POMP: variants seen among roughly 807,000 people sequenced by gnomAD.
The protein encoded by POMP is proteasome maturation protein, also known as 2510048O06Rik.
In POMP, 12 loss-of-function variants were observed where a neutral mutation model predicts 20.6. The observed-to-expected ratio is 0.58, with a 90% CI of 0.37 to 0.94. The LOEUF (loss-of-function observed/expected upper bound fraction) is 0.94. Among genes scored for constraint, POMP ranks in the 40% least tolerant of loss-of-function variants. POMP has a pLI of 0.01. For missense variants in POMP, 136 were observed against 161.1 expected (o/e 0.84, Z 0.84); for synonymous variants, 53 against 55.0 (o/e 0.96, Z 0.16).
chr13:28,664,685 G>A (rs1186684634), intron 3 of POMP, 116 bp downstream of exon 3: 2 of 673,218 alleles, frequency 3.0e-6, no homozygotes, highest in East Asian at 2.8e-5. Context: ...TGAAGAATAT[G>A]AGGCGTTATT....
chr13:28,662,285 A>C, intron 1 of POMP, 125 bp from the exon 2 acceptor site: 1 of 661,766 alleles, frequency 1.5e-6, no homozygotes, highest in Non-Finnish European at 2.7e-6. Flanking sequence ...GTAATTGTCT[A>C]GTCTGGACTT....
chr13:28,664,973 C>T lies in POMP; in HGVS notation c.162+404C>T, dbSNP rs533404242. Among the ~76,000 whole-genome samples the T allele has an allele frequency of 3.7e-4, 57 of 152,256 alleles. No individual in the cohort carries two copies. In the South Asian group the frequency reaches 7.1e-3, roughly 19 times the overall value. ...CAGCCACTAGGCACAGTAGGTACTT[C>T]GATGAATATGACATCATCCCCATCC... On this transcript the variant is annotated intron_variant, in intron 3 of 5. Transcript: ENST00000380842.
At chr13:28,677,753 C>G (rs985379069) in intron 5 of POMP, among the ~76,000 whole-genome samples, 1 of 152,112 alleles carries the variant, frequency 6.6e-6, no homozygotes, top group Admixed American at 6.5e-5. Context: ...ATATTATTGA[C>G]ATACAATAAA....
At chr13:28,670,167 T>C (rs1884522655) in intron 4 of POMP, among the ~76,000 whole-genome samples, 1 of 152,190 alleles carries the variant, frequency 6.6e-6, no homozygotes. Context: ...TATAAACCTA[T>C]AGGCTTTTCC....
At chr13:28,666,662 T>A (rs2137793704) in intron 3 of POMP, among the ~76,000 whole-genome samples, 1 of 152,378 alleles carries the variant, frequency 6.6e-6, no homozygotes, top group South Asian at 2.1e-4. Context: ...TTGGGGCATA[T>A]TGCTTAATTT....
At chr13:28,669,005 A>G (rs1242617904) in intron 4 of POMP, among the ~76,000 whole-genome samples, 1 of 152,044 alleles carries the variant, frequency 6.6e-6, no homozygotes, top group Non-Finnish European at 1.5e-5. Flanking sequence ...ACATTACTTC[A>G]GGAAAATCCC....
intron 4 of POMP, among the ~76,000 whole-genome samples, chr13:28,669,443 A>T (rs1384259784): frequency 6.6e-6 from 1 of 152,116 alleles, no homozygotes; most frequent in African/African-American, 2.4e-5. Context: ...TGGTATGATC[A>T]TAGCTCACTG....
intron 5 of POMP, among the ~76,000 whole-genome samples, 200 bp from the exon 6 acceptor site, chr13:28,677,835 G>A (rs1269761505): frequency 6.6e-6 from 1 of 152,168 alleles, no homozygotes; most frequent in South Asian, 2.1e-4. Flanking sequence ...AAACAGAGGA[G>A]TAGAATGTTT....
intron 5 of POMP, among the ~76,000 whole-genome samples, chr13:28,676,285 T>C (rs1792070): frequency 6.6e-6 from 1 of 152,086 alleles, no homozygotes; most frequent in Admixed American, 6.6e-5. Context: ...ATTACAAGCG[T>C]GGGCCACCGC....
At chr13:28,665,583 T>C (rs1947250335) in intron 3 of POMP, among the ~76,000 whole-genome samples, 1 of 152,234 alleles carries the variant, frequency 6.6e-6, no homozygotes. Flanking sequence ...TGGATACATA[T>C]TCCACTTTTG....
At chr13:28,662,121 T>C (rs1450447460) in intron 1 of POMP, among the ~76,000 whole-genome samples, 2 of 152,230 alleles carry the variant, frequency 1.3e-5, no homozygotes, top group South Asian at 2.1e-4. Flanking sequence ...TGTTCATTTA[T>C]ATTTTCTTGC....
chr13:28,673,378 A>T (rs1239908094), intron 5 of POMP, among the ~76,000 whole-genome samples: 1 of 152,168 alleles, frequency 6.6e-6, no homozygotes, highest in Non-Finnish European at 1.5e-5. Context: ...CGAATCTGTT[A>T]TTTTTAATAA....
intron 5 of POMP, among the ~76,000 whole-genome samples, chr13:28,677,592 G>T (rs1771193): frequency 0.045 from 6,777 of 152,108 alleles, 505 homozygotes; most frequent in African/African-American, 0.15. Context: ...CGTTTGTGTG[G>T]ATACAACAGG....
chr13:28,676,621 G>T (rs1476139115), intron 5 of POMP, among the ~76,000 whole-genome samples: 1 of 152,136 alleles, frequency 6.6e-6, no homozygotes, highest in Non-Finnish European at 1.5e-5. Context: ...AGAGTAGCTT[G>T]TTAATCTAAA....
At chr13:28,664,625 A>C in intron 3 of POMP, 56 bp downstream of exon 3, 1 of 1,071,230 alleles carries the variant, frequency 9.3e-7, no homozygotes, top group Admixed American at 2.3e-5. Flanking sequence ...TACTTTTACT[A>C]ATATTGGTTT....
At chr13:28,659,213 G>T in intron 1 of POMP, 26 bp downstream of exon 1, 1 of 1,583,700 alleles carries the variant, frequency 6.3e-7, no homozygotes, top group East Asian at 2.3e-5. Flanking sequence ...GGCGGCTGGA[G>T]TTCCACGCGG....
intron 4 of POMP, 87 bp downstream of exon 4, chr13:28,668,661 A>G (rs1431737904): frequency 2.0e-6 from 2 of 1,007,650 alleles, no homozygotes; most frequent in Non-Finnish European, 3.1e-6. Context: ...TACCTTATCT[A>G]CCTTACAACC....
At chr13:28,667,815 G>T (rs1049551725) in intron 3 of POMP, among the ~76,000 whole-genome samples, 1 of 152,184 alleles carries the variant, frequency 6.6e-6, no homozygotes, top group African/African-American at 2.4e-5. Context: ...TAGAATCCAT[G>T]AGTCAAGTCG....
chr13:28,678,366 A>ACGGCGACCACCG lies in POMP; in HGVS notation c.*264_*265insCGGCGACCACCG. On this transcript the variant is annotated 3_prime_UTR_variant, in exon 6 of 6. Transcript: ENST00000380842. ...AAAAGTTGTTGCTCATGAATATTATAAAATGATCTACAGGTTTCAATTCAA... is the reference window on the plus strand; with the variant it reads ...AAAAGTTGTTGCTCATGAATATTATACGGCGACCACCGAAATGATCTACAGGTTTCAATTCAA... 2.4e-6 allele frequency: 1 copy of ACGGCGACCACCG among 419,650 alleles called. No individual in the cohort carries two copies. The highest frequency in any genetic ancestry group is 2.8e-5 in the South Asian group (1 of 36,284). The allele number at this position is 419,650 out of a possible 1,614,324, so 26.0% of individuals were successfully genotyped here.
Sources: gnomAD v4.1 joint callset for allele counts (sites outside exome capture counted in the v4.1 genomes callset) on GRCh38, gnomAD v4.1.1 for gene constraint, MANE v1.5 for transcripts, NCBI Gene and HGNC (gene_info 2026-07-23, HGNC 2026-07-21) for gene names.